Variants in ORC3 observed in about 807,000 individuals in gnomAD.
ORC3 encodes the protein origin recognition complex subunit 3.
In ORC3, 78 loss-of-function variants were observed where a neutral mutation model predicts 100.7. That is an observed-to-expected ratio of 0.77 (90% CI 0.65 to 0.94). The LOEUF is 0.94. Ranked by LOEUF, ORC3 falls within the 40% of genes least tolerant of loss-of-function variation. The probability of loss-of-function intolerance (pLI) is 0.00; values close to 1 mark genes in which losing one functional copy is unlikely to be tolerated. For missense variants in ORC3, 789 were observed against 823.9 expected, an observed-to-expected ratio of 0.96 and a Z score of 0.52; for synonymous variants, 295 against 289.3, an observed-to-expected ratio of 1.02 and a Z score of -0.20.
Position 87,605,957 on chromosome 6 carries a change from A to G in ORC3, c.363A>G (p.Leu121=). Residue 121 remains leucine, a synonymous_variant, in exon 5 of 20, where the codon CTA becomes CTG. Transcript: ENST00000392844. ...VTDHDLTFGS[L]TEALQNNVTP... ...ATCATGATTTGACATTCGGAAGTCT[A>G]ACAGAGGCCCTTCAGAATAATGTCA... is the stretch of plus-strand genomic sequence containing the variant. The G allele has an allele frequency of 6.2e-7, 1 of 1,610,236 alleles. No individual in the cohort carries two copies. Among genetic ancestry groups the G allele is most frequent in the East Asian group, 2.2e-5 (1 of 44,818 alleles).
At position 87,654,619 on chromosome 6, in the gene ORC3, G is replaced by A. The variant is rs566191265; in HGVS notation, c.1516+1370G>A. On this transcript the variant is annotated intron_variant, in intron 14 of 19. Transcript: ENST00000392844. Reference sequence around the variant, plus strand: ...CATTGTTTTTCTGTCGCTAATTCACGATATAAATACGCCCTAATAGTGATC... The same window carrying A: ...CATTGTTTTTCTGTCGCTAATTCACAATATAAATACGCCCTAATAGTGATC... Among the ~76,000 whole-genome samples the A allele has an allele frequency of 7.2e-5, 11 of 152,278 alleles. No individual in the cohort carries two copies. In the South Asian group the frequency reaches 1.7e-3, roughly 23 times the overall value.
chr6:87,607,760 T>A lies in ORC3; in HGVS notation c.515T>A (p.Val172Asp). 1 of 1,612,684 alleles carries A rather than the reference T, an allele frequency of 6.2e-7. No individual in the cohort carries two copies. Among genetic ancestry groups the A allele is most frequent in the Non-Finnish European group, 8.5e-7 (1 of 1,178,826 alleles). The part of the protein sequence containing the change: ...IKSKEEESVH[V>D]TQRKTHYSMD... ...TCCAAAGAGGAGGAAAGTGTTCACG[T>A]CACCCAAAGAAAGACACATTATTCA... The change falls in exon 6 of 20, where the codon GTC becomes GAC. Residue 172 changes from valine (V) to aspartate (D), a missense_variant. Around this residue, in one of 3 missense-constraint regions of ORC3, gnomAD observed 399 missense variants for 382.0 expected, o/e 1.04. Transcript: ENST00000392844.
intron 6 of ORC3, 37 bp downstream of exon 6, chr6:87,607,861 A>G: frequency 6.7e-7 from 1 of 1,489,816 alleles, no homozygotes; most frequent in Non-Finnish European, 9.3e-7. Flanking sequence ...CAGGAAATTG[A>G]CGTATGATTG....
the ORC3 span, chr6:87,675,835 A>G: frequency 5.0e-6 from 8 of 1,601,006 alleles, no homozygotes; most frequent in South Asian, 5.6e-5. Flanking sequence ...TTTTCAGTTT[A>G]TAACTTCAAA....
intron 16 of ORC3, among the ~76,000 whole-genome samples, chr6:87,662,165 CT>C (rs1770233261): frequency 6.6e-6 from 1 of 152,172 alleles, no homozygotes; most frequent in African/African-American, 2.4e-5. Flanking sequence ...TGGCTCACAC[CT>C]GTAATCCCAG....
downstream of ORC3, among the ~76,000 whole-genome samples, chr6:87,669,751 G>C (rs146220278): frequency 2.6e-3 from 390 of 152,190 alleles, 2 homozygotes; most frequent in African/African-American, 9.0e-3. Context: ...TTTAAACAAT[G>C]GTTGGTACAA....
the ORC3 span, among the ~76,000 whole-genome samples, chr6:87,674,153 T>G: frequency 6.6e-6 from 1 of 151,788 alleles, no homozygotes; most frequent in Admixed American, 6.6e-5. Context: ...ATACAAAAAA[T>G]TAGCCGGGTG....
intron 6 of ORC3, among the ~76,000 whole-genome samples, chr6:87,608,879 T>C (rs201395598): frequency 0.11 from 16,369 of 152,232 alleles, 934 homozygotes; most frequent in East Asian, 0.15. Flanking sequence ...TCATATGAGT[T>C]ATAGATTTTT....
chr6:87,670,723 C>G (rs1357467519), downstream of ORC3, among the ~76,000 whole-genome samples: 1 of 152,132 alleles, frequency 6.6e-6, no homozygotes, highest in Non-Finnish European at 1.5e-5. Context: ...GAAATACATT[C>G]AAAAAGTACC....
At chr6:87,612,321 G>A (rs912337245) in intron 8 of ORC3, 73 bp downstream of exon 8, 5 of 1,003,296 alleles carry the variant, frequency 5.0e-6, no homozygotes, top group African/African-American at 4.9e-5. Context: ...TAAGATAACT[G>A]TTAACAATAA....
At chr6:87,611,033 C>T (rs992515070) in intron 7 of ORC3, among the ~76,000 whole-genome samples, 1 of 148,506 alleles carries the variant, frequency 6.7e-6, no homozygotes. Flanking sequence ...ACCTCCTGGG[C>T]TTAAGCAGTC....
Position 87,644,004 on chromosome 6 carries a change from C to T in ORC3, c.1382+7518C>T, listed in dbSNP as rs1178685612. ...TGTTCTATACGGTCTCTTCTCCTACCCCCCAAAATATTTTCAATCCAAGGT... is the reference window on the plus strand; with the variant it reads ...TGTTCTATACGGTCTCTTCTCCTACTCCCCAAAATATTTTCAATCCAAGGT... On this transcript the variant is annotated intron_variant, in intron 13 of 19. Coordinates refer to ENST00000392844, the MANE Select transcript of ORC3 (RefSeq NM_012381.4). Among the ~76,000 whole-genome samples, 10 of 151,288 alleles carry T rather than the reference C, an allele frequency of 6.6e-5. No individual in the cohort carries two copies. In the East Asian group the frequency reaches 1.7e-3, roughly 26 times the overall value.
At chr6:87,633,730 C>A (rs565959758) in intron 11 of ORC3, among the ~76,000 whole-genome samples, 6 of 152,176 alleles carry the variant, frequency 3.9e-5, no homozygotes, top group African/African-American at 1.4e-4. Context: ...TATTTGACTT[C>A]TTAAAGGAGA....
At chr6:87,609,303 T>G in intron 7 of ORC3, 74 bp downstream of exon 7, 1 of 1,004,428 alleles carries the variant, frequency 1.0e-6, no homozygotes, top group Non-Finnish European at 1.4e-6. Flanking sequence ...TTGAAAAGTA[T>G]AATCTTCATT....
chr6:87,614,317 G>A (rs976709572), intron 8 of ORC3, among the ~76,000 whole-genome samples: 10 of 152,186 alleles, frequency 6.6e-5, no homozygotes, highest in Admixed American at 1.3e-4. Context: ...CACACAGCAC[G>A]GGGACTCTGG....
intron 16 of ORC3, among the ~76,000 whole-genome samples, chr6:87,661,384 C>A (rs748938708): frequency 3.3e-5 from 5 of 152,128 alleles, no homozygotes; most frequent in African/African-American, 4.8e-5. Flanking sequence ...ACACTCTTTG[C>A]AAGTAAGTTT....
intron 11 of ORC3, among the ~76,000 whole-genome samples, chr6:87,627,032 T>C (rs1779953060): frequency 6.6e-6 from 1 of 151,914 alleles, no homozygotes; most frequent in Admixed American, 6.6e-5. Context: ...AGTTTTGTTC[T>C]TGTTGCCCAG....
intron 2 of ORC3, among the ~76,000 whole-genome samples, chr6:87,600,286 A>G (rs1777798567): frequency 1.3e-5 from 2 of 152,210 alleles, no homozygotes; most frequent in South Asian, 4.1e-4. Flanking sequence ...ACAACAAGAA[A>G]TATGAGGGAA....
At chr6:87,633,345 C>T (rs1398051557) in intron 11 of ORC3, among the ~76,000 whole-genome samples, 2 of 152,192 alleles carry the variant, frequency 1.3e-5, no homozygotes, top group Non-Finnish European at 2.9e-5. Context: ...AGTATACCCT[C>T]CCAATGGTGG....
Sources: allele counts gnomAD v4.1 joint callset (sites outside exome capture counted in the v4.1 genomes callset), GRCh38; gene constraint gnomAD v4.1.1; regional missense constraint gnomAD v4.1.1; transcripts MANE v1.5; gene names NCBI Gene and HGNC (gene_info 2026-07-23, HGNC 2026-07-21).